KLF12: variants seen among roughly 807,000 people sequenced by gnomAD.
KLF12 encodes the protein KLF transcription factor 12.
In KLF12, 9 loss-of-function variants were observed where a neutral mutation model predicts 37.8. That is an observed-to-expected ratio of 0.24 (90% CI 0.14 to 0.42). The LOEUF is 0.42. Ranked by LOEUF, KLF12 falls within the 10% of genes least tolerant of loss-of-function variation. The probability of loss-of-function intolerance (pLI) is 1.00; values close to 1 mark genes in which losing one functional copy is unlikely to be tolerated. For synonymous variants in KLF12, 208 were observed against 202.1 expected (o/e 1.03, Z -0.25); for missense variants, 411 against 516.0 (o/e 0.80, Z 1.97).
chr13:73,963,284 TACAC>T (rs10543490), intron 2 of KLF12, among the ~76,000 whole-genome samples: 57,655 of 144,900 alleles, frequency 0.4, 13,251 homozygotes, highest in Non-Finnish European at 0.52. Flanking sequence ...GAGTCATTTA[TACAC>T]ACACACACAC....
At chr13:74,267,427 A>C in the KLF12 span, among the ~76,000 whole-genome samples, 1 of 152,366 alleles carries the variant, frequency 6.6e-6, no homozygotes, top group Middle Eastern at 3.4e-3. Context: ...CCTGTCGTTC[A>C]TGGCAACATG....
At chr13:74,190,070 C>T in the KLF12 span, among the ~76,000 whole-genome samples, 1 of 152,058 alleles carries the variant, frequency 6.6e-6, no homozygotes, top group Admixed American at 6.6e-5. Flanking sequence ...CACATCAATT[C>T]ACATGCTTGA....
the KLF12 span, among the ~76,000 whole-genome samples, chr13:74,292,217 G>A: frequency 6.6e-6 from 1 of 152,180 alleles, no homozygotes; most frequent in Non-Finnish European, 1.5e-5. Flanking sequence ...TAACAGCATG[G>A]TGTTGAGTAC....
chr13:73,741,749 G>A (rs557440641), intron 6 of KLF12, among the ~76,000 whole-genome samples: 1 of 152,088 alleles, frequency 6.6e-6, no homozygotes, highest in South Asian at 2.1e-4. Flanking sequence ...ACAAGTTACT[G>A]CTCTTATCTT....
chr13:73,952,642 T>C (rs922491528), intron 2 of KLF12, among the ~76,000 whole-genome samples: 2 of 152,204 alleles, frequency 1.3e-5, no homozygotes, highest in Admixed American at 6.5e-5. Context: ...GGGTGCTACT[T>C]GCTAGGGGTG....
At chr13:73,926,877 C>T (rs1332658313) in intron 3 of KLF12, among the ~76,000 whole-genome samples, 1 of 151,480 alleles carries the variant, frequency 6.6e-6, no homozygotes, top group Non-Finnish European at 1.5e-5. Context: ...ATCACATTCA[C>T]CCCATTTTAG....
chr13:74,109,697 C>T (rs1876865197), intron 1 of KLF12, among the ~76,000 whole-genome samples: 1 of 152,096 alleles, frequency 6.6e-6, no homozygotes, highest in Admixed American at 6.5e-5. Flanking sequence ...AGTTCTTTAA[C>T]ATGATAAAAT....
Position 74,077,609 on chromosome 13 carries a change from C to A in KLF12, c.-32+56130G>T, listed in dbSNP as rs1454426405. 3.3e-5 allele frequency among the ~76,000 whole-genome samples: 5 copies of A among 152,206 alleles called. No individual in the cohort carries two copies. In the East Asian group the frequency reaches 9.7e-4, roughly 29 times the overall value. On this transcript the variant is annotated intron_variant, in intron 1 of 7. Coordinates refer to ENST00000377669, the MANE Select transcript of KLF12 (RefSeq NM_007249.5). ...CCCCATCATTTGTGAGATGAGTAAC[C>A]TTGGACAATTGACTCAAAATGGTGA...
At chr13:74,108,530 C>T (rs1037023344) in intron 1 of KLF12, among the ~76,000 whole-genome samples, 3 of 151,980 alleles carry the variant, frequency 2.0e-5, no homozygotes, top group South Asian at 4.2e-4. Flanking sequence ...GGAGTTGGGG[C>T]GCTGACCTCC....
At chr13:74,193,186 G>T in the KLF12 span, among the ~76,000 whole-genome samples, 1 of 151,840 alleles carries the variant, frequency 6.6e-6, no homozygotes, top group Non-Finnish European at 1.5e-5. Flanking sequence ...TGCCATATTG[G>T]CCAGGCTGGT....
intron 1 of KLF12, among the ~76,000 whole-genome samples, chr13:74,065,281 C>T (rs1179277334): frequency 6.6e-6 from 1 of 151,258 alleles, no homozygotes; most frequent in African/African-American, 2.4e-5. Flanking sequence ...TATGCACATA[C>T]ATATTGGCAT....
chr13:73,966,856 C>A (rs1183913268), intron 2 of KLF12, among the ~76,000 whole-genome samples: 3 of 152,174 alleles, frequency 2.0e-5, no homozygotes, highest in Non-Finnish European at 4.4e-5. Flanking sequence ...AGCTAACTGA[C>A]TTGTCCATGT....
chr13:74,095,209 T>C (rs1875907094), intron 1 of KLF12, among the ~76,000 whole-genome samples: 2 of 152,144 alleles, frequency 1.3e-5, no homozygotes, highest in African/African-American at 4.8e-5. Context: ...TTTCAGATCA[T>C]GTCTTTTTCA....
At chr13:73,775,902 C>A (rs1474182744) in intron 5 of KLF12, among the ~76,000 whole-genome samples, 2 of 152,168 alleles carry the variant, frequency 1.3e-5, no homozygotes, top group Non-Finnish European at 2.9e-5. Context: ...AGCATTCTCT[C>A]AAGAAGGTGT....
the KLF12 span, among the ~76,000 whole-genome samples, chr13:74,292,771 C>G: frequency 2.6e-5 from 4 of 152,160 alleles, no homozygotes; most frequent in African/African-American, 9.6e-5. Flanking sequence ...CCCTATGACT[C>G]TCTTTCCCAT....
At chr13:73,920,444 T>G (rs558757225) in intron 3 of KLF12, among the ~76,000 whole-genome samples, 1 of 152,272 alleles carries the variant, frequency 6.6e-6, no homozygotes, top group East Asian at 1.9e-4. Context: ...ATTTAACTGC[T>G]TAGTCAAGTC....
At chr13:73,862,420 T>G (rs1056319072) in intron 3 of KLF12, among the ~76,000 whole-genome samples, 1 of 152,146 alleles carries the variant, frequency 6.6e-6, no homozygotes, top group Non-Finnish European at 1.5e-5. Flanking sequence ...TAAGTGACAA[T>G]GTCAAGATAC....
At position 73,746,448 on chromosome 13, in the gene KLF12, C is replaced by T. The variant is rs565000988; in HGVS notation, c.869+18490G>A. Reference sequence around the variant, plus strand: ...TAACTCATTCACCATAGCTTGAATTCTCTTCCAAAGACAGAGCTCCTTTAG... The same window carrying T: ...TAACTCATTCACCATAGCTTGAATTTTCTTCCAAAGACAGAGCTCCTTTAG... On this transcript the variant is annotated intron_variant, in intron 6 of 7. Coordinates refer to ENST00000377669, the MANE Select transcript of KLF12 (RefSeq NM_007249.5). Among the ~76,000 whole-genome samples, 78 of 152,288 alleles carry T rather than the reference C, an allele frequency of 5.1e-4. 1 individual carries two copies. Among genetic ancestry groups the T allele is most frequent in the African/African-American group, 1.7e-3 (70 of 41,560 alleles).
intron 4 of KLF12, among the ~76,000 whole-genome samples, chr13:73,817,652 T>C: frequency 6.6e-6 from 1 of 152,246 alleles, no homozygotes; most frequent in East Asian, 1.9e-4. Flanking sequence ...TAACCTCCTC[T>C]TGCAACAAGT....
Sources: gnomAD v4.1 joint callset for allele counts (sites outside exome capture counted in the v4.1 genomes callset) on GRCh38, gnomAD v4.1.1 for gene constraint, MANE v1.5 for transcripts, NCBI Gene and HGNC (gene_info 2026-07-23, HGNC 2026-07-21) for gene names.